The following SKI variants were observed in gnomAD, a reference collection of about 807,000 sequenced individuals.
The protein encoded by SKI is SKI proto-oncogene.
In SKI, 23 loss-of-function variants were observed where a neutral mutation model predicts 59.3. The observed-to-expected ratio is 0.39, with a 90% CI of 0.28 to 0.55. The LOEUF is 0.55. Among genes scored for constraint, SKI ranks in the 20% least tolerant of loss-of-function variants. The pLI, the probability that SKI is intolerant of heterozygous loss-of-function variation, is 0.67. For missense variants in SKI, 1,017 were observed against 1,038.9 expected, an observed-to-expected ratio of 0.98 and a Z score of 0.29; for synonymous variants, 673 against 488.6, an observed-to-expected ratio of 1.38 and a Z score of -4.98.
chr1:2,241,591 T>C (rs1262020552), intron 1 of SKI, among the ~76,000 whole-genome samples: 4 of 152,076 alleles, frequency 2.6e-5, no homozygotes, highest in Non-Finnish European at 4.4e-5. Context: ...GACGGGGTTT[T>C]ACCGTTTTAG....
intron 1 of SKI, among the ~76,000 whole-genome samples, chr1:2,274,501 G>A (rs573510806): frequency 6.6e-6 from 1 of 152,318 alleles, no homozygotes; most frequent in Admixed American, 6.5e-5. Flanking sequence ...TCCTGGTCGT[G>A]GCCGCGTGTG....
chr1:2,293,428 C>G (rs1640210135), intron 1 of SKI, among the ~76,000 whole-genome samples: 1 of 24,548 alleles, frequency 4.1e-5, no homozygotes, highest in African/African-American at 1.3e-4. Context: ...CAGGGCGAGG[C>G]CCCCCCCCAA....
chr1:2,296,278 C>T (rs1640282972), intron 1 of SKI, among the ~76,000 whole-genome samples: 1 of 151,944 alleles, frequency 6.6e-6, no homozygotes, highest in African/African-American at 2.4e-5. Flanking sequence ...GCTTGTAGTC[C>T]CAGCTACTCA....
In SKI at chr1:2,269,701, T is replaced by C. The variant is rs572018563; in HGVS notation, c.970-33277T>C. On this transcript the variant is annotated intron_variant, in intron 1 of 6. Coordinates refer to ENST00000378536, the MANE Select transcript of SKI (RefSeq NM_003036.4). This position sits in a 1 kb window ranked among gnomAD's most constrained non-coding sequence, Gnocchi z 4.7. ...AGCCAGCCTTGGGCACCAGGGACAGTGGGGACGTGGCTGTGCACCGGGCCC... is the reference window on the plus strand; with the variant it reads ...AGCCAGCCTTGGGCACCAGGGACAGCGGGGACGTGGCTGTGCACCGGGCCC... Among the ~76,000 whole-genome samples, 79 of 152,322 alleles carry C rather than the reference T, an allele frequency of 5.2e-4. No individual in the cohort carries two copies. Among genetic ancestry groups the C allele is most frequent in the South Asian group, 1.5e-3 (7 of 4,826 alleles).
intron 1 of SKI, among the ~76,000 whole-genome samples, chr1:2,275,679 A>AT (rs1639726758): frequency 1.3e-5 from 2 of 152,060 alleles, no homozygotes; most frequent in African/African-American, 2.4e-5. Context: ...CACTCGGCTA[A>AT]TTTTTTGTAT....
At chr1:2,235,872 G>A (rs1300225828) in intron 1 of SKI, among the ~76,000 whole-genome samples, 3 of 152,310 alleles carry the variant, frequency 2.0e-5, no homozygotes, top group South Asian at 2.1e-4. Context: ...GTGTCCTGCC[G>A]GCCGCCTAGT....
At chr1:2,300,222 C>T (rs532426540) in intron 1 of SKI, among the ~76,000 whole-genome samples, 3 of 152,244 alleles carry the variant, frequency 2.0e-5, no homozygotes, top group Admixed American at 6.5e-5. Flanking sequence ...CGGGGCAGCG[C>T]GGTGTGTCGT....
chr1:2,274,885 C>T (rs889726004), intron 1 of SKI, among the ~76,000 whole-genome samples: 15 of 152,348 alleles, frequency 9.8e-5, no homozygotes, highest in Middle Eastern at 6.8e-3. Context: ...TTCTTGCTCT[C>T]AGCAGAGGGG....
intron 1 of SKI, among the ~76,000 whole-genome samples, chr1:2,251,373 T>A (rs186074459): frequency 7.2e-5 from 11 of 152,304 alleles, no homozygotes; most frequent in Non-Finnish European, 1.5e-4. Context: ...TCCTCCCGCC[T>A]GGTGTCCCAC....
In SKI at chr1:2,303,775, C is replaced by T; in HGVS notation, c.1212-65C>T. Reference sequence around the variant, plus strand: ...TTAACACCTTCAGAGGGGGTGTGCGCCAGGATGTGTCTGGGTGGTGCTTGG... The same window carrying T: ...TTAACACCTTCAGAGGGGGTGTGCGTCAGGATGTGTCTGGGTGGTGCTTGG... On this transcript the variant is annotated intron_variant, in intron 3 of 6. Coordinates refer to ENST00000378536, the MANE Select transcript of SKI (RefSeq NM_003036.4). This position sits in a 1 kb window ranked among gnomAD's most constrained non-coding sequence, Gnocchi z 5.6. 6.3e-7 allele frequency: 1 copy of T among 1,590,624 alleles called. No homozygotes were observed. The highest frequency in any genetic ancestry group is 8.6e-7 in the Non-Finnish European group (1 of 1,167,858).
At chr1:2,237,096 C>T (rs959654439) in intron 1 of SKI, among the ~76,000 whole-genome samples, 3 of 152,198 alleles carry the variant, frequency 2.0e-5, no homozygotes, top group Non-Finnish European at 4.4e-5. Context: ...TTGTGTGGCC[C>T]TTCCCGACCA....
At position 2,306,884 on chromosome 1, in the gene SKI, C is replaced by T. The variant is rs960755705; in HGVS notation, c.*119C>T. ...CACACAGCACAACGTCTTACCGTGCCTATTACCAAGCGAGTGTTTGTAACC... is the reference window on the plus strand; with the variant it reads ...CACACAGCACAACGTCTTACCGTGCTTATTACCAAGCGAGTGTTTGTAACC... On this transcript the variant is annotated 3_prime_UTR_variant, in exon 7 of 7. Transcript: ENST00000378536. The T allele has an allele frequency of 4.5e-6, 3 of 670,890 alleles. No individual in the cohort carries two copies. Among genetic ancestry groups the T allele is most frequent in the African/African-American group, 2.0e-5 (1 of 51,080 alleles). The allele number at this position is 670,890 out of a possible 1,614,324, so 41.6% of individuals were successfully genotyped here. A position where few individuals can be genotyped will look rare whatever the true frequency, so the allele number is the denominator to read the frequency against.
At chr1:2,248,241 T>A (rs531075105) in intron 1 of SKI, among the ~76,000 whole-genome samples, 88 of 152,274 alleles carry the variant, frequency 5.8e-4, no homozygotes, top group African/African-American at 2.0e-3. Flanking sequence ...GTGCCCACAC[T>A]GCCGCGTCCC....
Position 2,304,570 on chromosome 1 carries a change from G to A in SKI, c.1752G>A (p.Lys584=), listed in dbSNP as rs1280535314. Residue 584 remains lysine (K), a synonymous_variant, in exon 5 of 7, where the codon AAG becomes AAA. Transcript: ENST00000378536. ...EEKLSAALQA[K]RSLHQELEFL... The stretch of plus-strand genomic sequence containing the variant: ...AGCTCAGCGCAGCCCTGCAGGCCAA[G>A]CGCAGCCTCCACCAGGTGAGCGGGG... 3 of 1,559,680 alleles carry A rather than the reference G, an allele frequency of 1.9e-6. No homozygotes were observed. In the South Asian group the frequency reaches 3.5e-5, roughly 18 times the overall value.
chr1:2,287,120 G>GAGGGC (rs887441425), intron 1 of SKI, among the ~76,000 whole-genome samples: 2 of 152,108 alleles, frequency 1.3e-5, no homozygotes, highest in African/African-American at 2.4e-5. Flanking sequence ...CGAAAATCTA[G>GAGGGC]AGGGCCCCTG....
At chr1:2,234,182 C>T (rs12403265) in intron 1 of SKI, among the ~76,000 whole-genome samples, 9,386 of 152,154 alleles carry the variant, frequency 0.062, 681 homozygotes, top group East Asian at 0.18. Flanking sequence ...GCAGGGGAAA[C>T]AGCAGCTCGA....
intron 1 of SKI, among the ~76,000 whole-genome samples, chr1:2,259,629 A>C (rs910926383): frequency 1.3e-5 from 2 of 152,252 alleles, no homozygotes; most frequent in African/African-American, 4.8e-5. Context: ...GCAAACACAT[A>C]TAAAACATGT....
At position 2,309,379 on chromosome 1, in the gene SKI, C is replaced by G. The variant is rs1459796565; in HGVS notation, c.*2614C>G. 1 of 152,174 alleles carries G rather than the reference C, an allele frequency of 6.6e-6. No individual in the cohort carries two copies. Among genetic ancestry groups the G allele is most frequent in the Non-Finnish European group, 1.5e-5 (1 of 68,032 alleles). The allele number at this position is 152,174 out of a possible 1,614,324, so 9.4% of individuals were successfully genotyped here. ...AAAACAACAGCAATAACATTCATAT[C>G]TCTGGAGCAGCTAACTCATACACGT... On this transcript the variant is annotated 3_prime_UTR_variant, in exon 7 of 7. Coordinates refer to ENST00000378536, the MANE Select transcript of SKI (RefSeq NM_003036.4).
rs536317054 is a variant in SKI at position 2,307,073 on chromosome 1, C to T, written c.*308C>T. On this transcript the variant is annotated 3_prime_UTR_variant, in exon 7 of 7. Transcript: ENST00000378536. The stretch of plus-strand genomic sequence containing the variant: ...CACTTTTGTTATAAGCTATTTAAAA[C>T]CAGTAAGGAGACTTGAAATTCAGAA... 1.0e-5 allele frequency: 2 copies of T among 200,516 alleles called. No individual in the cohort carries two copies. Among genetic ancestry groups the T allele is most frequent in the East Asian group, 2.4e-4 (2 of 8,504 alleles). 12.4% of individuals were successfully genotyped at this position (200,516 alleles called of 1,614,324 possible). A position where few individuals can be genotyped will look rare whatever the true frequency, so the allele number is the denominator to read the frequency against.
Sources: allele counts gnomAD v4.1 joint callset (sites outside exome capture counted in the v4.1 genomes callset), GRCh38; gene constraint gnomAD v4.1.1; non-coding constraint Gnocchi (gnomAD v3.1); transcripts MANE v1.5; gene names NCBI Gene and HGNC (gene_info 2026-07-23, HGNC 2026-07-21).